The following UBE3D variants were observed in gnomAD, a reference collection of about 807,000 sequenced individuals.
The protein encoded by UBE3D is E3 ubiquitin-protein ligase E3D.
In UBE3D, 48 loss-of-function variants were observed where a neutral mutation model predicts 49.6. The ratio of observed to expected loss-of-function variants is 0.97; its 90% CI spans 0.77 to 1.23. The LOEUF is 1.23. Ranked by LOEUF, UBE3D falls within the 50% of genes most tolerant of loss-of-function variation. UBE3D has a pLI of 0.00. For missense variants in UBE3D, 452 were observed against 468.4 expected, an observed-to-expected ratio of 0.96 and a Z score of 0.32; for synonymous variants, 189 against 174.2, an observed-to-expected ratio of 1.08 and a Z score of -0.67.
chr6:83,053,510 T>G (rs1209391679), intron 3 of UBE3D, among the ~76,000 whole-genome samples: 1 of 151,890 alleles, frequency 6.6e-6, no homozygotes, highest in African/African-American at 2.4e-5. Context: ...AAGGCTGACA[T>G]GAGGGACAAA....
chr6:82,941,349 TA>T (rs976250931), intron 9 of UBE3D, among the ~76,000 whole-genome samples: 49 of 145,552 alleles, frequency 3.4e-4, no homozygotes, highest in East Asian at 1.8e-3. Flanking sequence ...AAACATGACT[TA>T]AAAAAAAATA....
At chr6:82,886,918 A>AT in the UBE3D span, among the ~76,000 whole-genome samples, 11 of 152,246 alleles carry the variant, frequency 7.2e-5, no homozygotes, top group Admixed American at 2.0e-4. Flanking sequence ...TATTTCAAGA[A>AT]TTTTTTTAAC....
At chr6:82,984,459 T>C (rs989431997) in intron 8 of UBE3D, among the ~76,000 whole-genome samples, 3 of 152,216 alleles carry the variant, frequency 2.0e-5, no homozygotes, top group Non-Finnish European at 4.4e-5. Context: ...TAAATGCACA[T>C]GTAATTTTTG....
the UBE3D span, among the ~76,000 whole-genome samples, chr6:82,885,610 C>T: frequency 6.6e-6 from 1 of 152,160 alleles, no homozygotes; most frequent in Non-Finnish European, 1.5e-5. Context: ...CTAGAACCCT[C>T]TCACTTTTAA....
At chr6:83,003,354 G>T (rs1484541093) in intron 8 of UBE3D, among the ~76,000 whole-genome samples, 3 of 151,848 alleles carry the variant, frequency 2.0e-5, no homozygotes, top group Non-Finnish European at 2.9e-5. Context: ...AATCTGAAGA[G>T]AATAACTGCT....
chr6:83,029,858 T>A (rs1236258511), intron 5 of UBE3D, among the ~76,000 whole-genome samples: 2 of 152,162 alleles, frequency 1.3e-5, no homozygotes, highest in African/African-American at 4.8e-5. Context: ...CTAGCAAGTA[T>A]CCACTGTACC....
At chr6:82,890,459 A>G (rs970579677), downstream of UBE3D, among the ~76,000 whole-genome samples, 3 of 152,144 alleles carry the variant, frequency 2.0e-5, no homozygotes, top group East Asian at 1.9e-4. Flanking sequence ...GGAAGATCCA[A>G]TGGAGACCTG....
At chr6:83,020,388 T>C (rs1380933395) in intron 7 of UBE3D, among the ~76,000 whole-genome samples, 1 of 150,956 alleles carries the variant, frequency 6.6e-6, no homozygotes, top group Non-Finnish European at 1.5e-5. Context: ...TGAGTGTACA[T>C]ATATATAGTT....
At chr6:82,945,176 G>T (rs1467200430) in intron 9 of UBE3D, among the ~76,000 whole-genome samples, 1 of 152,212 alleles carries the variant, frequency 6.6e-6, no homozygotes, top group Non-Finnish European at 1.5e-5. Flanking sequence ...GGATGTGCTG[G>T]CTTCAGGTCT....
chr6:83,001,177 C>T (rs1779609119), intron 8 of UBE3D, among the ~76,000 whole-genome samples: 1 of 152,164 alleles, frequency 6.6e-6, no homozygotes, highest in South Asian at 2.1e-4. Context: ...CCTATCCTGA[C>T]CCAGTTGGTC....
At chr6:82,979,898 T>A (rs1488525389) in intron 8 of UBE3D, among the ~76,000 whole-genome samples, 2 of 152,154 alleles carry the variant, frequency 1.3e-5, no homozygotes, top group African/African-American at 4.8e-5. Flanking sequence ...CCCAGTTGTA[T>A]CCATATTGCT....
chr6:82,973,221 C>T (rs1160465115), intron 8 of UBE3D, among the ~76,000 whole-genome samples: 3 of 152,080 alleles, frequency 2.0e-5, no homozygotes, highest in African/African-American at 7.2e-5. Flanking sequence ...TTTGATTCTC[C>T]TATAAGAATT....
chr6:82,926,431 G>A (rs1195937265), intron 9 of UBE3D, among the ~76,000 whole-genome samples: 1 of 152,152 alleles, frequency 6.6e-6, no homozygotes, highest in East Asian at 1.9e-4. Context: ...ACATCCCTGT[G>A]CAGGTTTCTG....
chr6:83,033,777 T>G (rs1782049561), intron 5 of UBE3D, among the ~76,000 whole-genome samples: 1 of 152,204 alleles, frequency 6.6e-6, no homozygotes, highest in Non-Finnish European at 1.5e-5. Flanking sequence ...TACCCAGTCT[T>G]GGGTATTTCT....
chr6:82,989,457 A>C (rs1184764348), intron 8 of UBE3D, among the ~76,000 whole-genome samples: 1 of 152,084 alleles, frequency 6.6e-6, no homozygotes, highest in East Asian at 1.9e-4. Context: ...AACTCATCTC[A>C]ATATTCAGAA....
At chr6:82,888,059 GAGA>G (rs931098572), downstream of UBE3D, among the ~76,000 whole-genome samples, 10 of 152,012 alleles carry the variant, frequency 6.6e-5, no homozygotes, top group African/African-American at 2.4e-4. Context: ...TGAAAAAAGA[GAGA>G]AGATTCCACC....
At chr6:83,019,538 T>A (rs887518794) in intron 7 of UBE3D, among the ~76,000 whole-genome samples, 3 of 152,220 alleles carry the variant, frequency 2.0e-5, no homozygotes, top group Non-Finnish European at 2.9e-5. Flanking sequence ...CCACCATTTT[T>A]CATTTACCAG....
chr6:83,023,364 G>A (rs996472311), intron 6 of UBE3D, among the ~76,000 whole-genome samples: 3 of 152,278 alleles, frequency 2.0e-5, no homozygotes, highest in East Asian at 1.9e-4. Flanking sequence ...AGCACTATAT[G>A]ATCAAAACAT....
intron 1 of UBE3D, among the ~76,000 whole-genome samples, chr6:83,064,715 C>T (rs555366239): frequency 2.0e-5 from 3 of 152,242 alleles, no homozygotes; most frequent in Admixed American, 6.5e-5. Flanking sequence ...AAAAGAAATA[C>T]ATTCAGAGTA....
Sources: allele counts gnomAD v4.1 joint callset (sites outside exome capture counted in the v4.1 genomes callset), GRCh38; gene constraint gnomAD v4.1.1; transcripts MANE v1.5; gene names NCBI Gene and HGNC (gene_info 2026-07-23, HGNC 2026-07-21).